NELL1: variants seen among roughly 807,000 people sequenced by gnomAD.
The protein encoded by NELL1 is protein kinase C-binding protein NELL1.
NELL1 carries 76 observed loss-of-function variants against 107.4 expected under a neutral mutation model. The observed-to-expected ratio is 0.71, with a 90% confidence interval of 0.59 to 0.86. The LOEUF (loss-of-function observed/expected upper bound fraction) is 0.86. NELL1 is among the 40% of genes least tolerant of loss of function. The probability of loss-of-function intolerance (pLI) is 0.00; values close to 1 mark genes in which losing one functional copy is unlikely to be tolerated. For synonymous variants in NELL1, 353 were observed against 341.2 expected (o/e 1.03, Z -0.38); for missense variants, 1,024 against 1,005.5 (o/e 1.02, Z -0.25).
chr11:21,089,904 G>A (rs541137624), intron 12 of NELL1, among the ~76,000 whole-genome samples: 2 of 152,236 alleles, frequency 1.3e-5, no homozygotes, highest in Admixed American at 6.5e-5. Context: ...GAACAAGTGC[G>A]GGCAAACGAG....
At chr11:21,039,763 C>T (rs1305775530) in intron 12 of NELL1, among the ~76,000 whole-genome samples, 1 of 152,078 alleles carries the variant, frequency 6.6e-6, no homozygotes, top group East Asian at 1.9e-4. Flanking sequence ...AAATTCTTAT[C>T]TAAAATGAAT....
intron 13 of NELL1, among the ~76,000 whole-genome samples, chr11:21,171,154 C>T (rs1370233256): frequency 6.6e-6 from 1 of 151,814 alleles, no homozygotes; most frequent in African/African-American, 2.4e-5. Context: ...TTCTCATCTG[C>T]TGACATAATG....
At chr11:21,082,749 A>C (rs1037088921) in intron 12 of NELL1, among the ~76,000 whole-genome samples, 2 of 152,100 alleles carry the variant, frequency 1.3e-5, no homozygotes, top group Non-Finnish European at 2.9e-5. Flanking sequence ...TTTCCTACAC[A>C]AGCTCTATAT....
intron 17 of NELL1, among the ~76,000 whole-genome samples, chr11:21,561,061 T>C (rs912833020): frequency 1.3e-5 from 2 of 152,156 alleles, no homozygotes; most frequent in South Asian, 4.1e-4. Flanking sequence ...ATTTCTTCTT[T>C]TATTGATCTT....
intron 14 of NELL1, among the ~76,000 whole-genome samples, chr11:21,257,335 A>T (rs983180249): frequency 6.6e-6 from 1 of 152,016 alleles, no homozygotes; most frequent in African/African-American, 2.4e-5. Flanking sequence ...AGGATTTGGA[A>T]ATTTCAAGGA....
intron 12 of NELL1, among the ~76,000 whole-genome samples, chr11:20,979,469 G>A (rs934504634): frequency 3.3e-5 from 5 of 152,082 alleles, no homozygotes; most frequent in Non-Finnish European, 5.9e-5. Context: ...GTTTTATGAT[G>A]TTCCCAAAAC....
At chr11:20,827,539 A>G (rs951869639) in intron 3 of NELL1, among the ~76,000 whole-genome samples, 8 of 151,208 alleles carry the variant, frequency 5.3e-5, no homozygotes, top group African/African-American at 1.9e-4. Context: ...TCATTCTTCC[A>G]TCTTCAACAT....
rs73454948 is a variant in NELL1, at chr11:21,333,116, G to T, written c.1550-37737G>T. Among the ~76,000 whole-genome samples, 864 of 152,080 alleles carry T rather than the reference G, an allele frequency of 5.7e-3. 7 individuals carry two copies. Among genetic ancestry groups the T allele is most frequent in the African/African-American group, 0.019 (789 of 41,536 alleles). ...TCTTGGGTGATATAAGATTAAGACA[G>T]ATAATACTGTGTGCTTCCTTTTAAA... is the stretch of plus-strand genomic sequence containing the variant. On this transcript the variant is annotated intron_variant, in intron 14 of 19. Coordinates refer to ENST00000357134, the MANE Select transcript of NELL1 (RefSeq NM_006157.5).
chr11:20,968,356 A>G (rs200643289), intron 12 of NELL1, among the ~76,000 whole-genome samples: 9 of 151,394 alleles, frequency 5.9e-5, no homozygotes, highest in African/African-American at 1.7e-4. Context: ...TTAAAGAAAG[A>G]AAGGAAGGAA....
chr11:20,685,331 T>G (rs1013609365), intron 2 of NELL1, among the ~76,000 whole-genome samples: 5 of 152,070 alleles, frequency 3.3e-5, no homozygotes, highest in African/African-American at 1.2e-4. Flanking sequence ...TTAATTAAAA[T>G]TATGCAAAAT....
chr11:21,099,234 AACAC>A (rs1554967542), intron 12 of NELL1, among the ~76,000 whole-genome samples: 1 of 64,004 alleles, frequency 1.6e-5, no homozygotes, highest in Non-Finnish European at 3.2e-5. Flanking sequence ...CACACACACA[AACAC>A]ACACACACAC....
intron 17 of NELL1, among the ~76,000 whole-genome samples, chr11:21,565,321 T>C (rs1272164474): frequency 6.6e-6 from 1 of 151,890 alleles, no homozygotes; most frequent in East Asian, 1.9e-4. Flanking sequence ...CTTTCCCCTG[T>C]GGTAGTGTTC....
intron 16 of NELL1, among the ~76,000 whole-genome samples, chr11:21,544,497 C>T (rs994934293): frequency 2.2e-4 from 34 of 151,740 alleles, no homozygotes; most frequent in African/African-American, 8.0e-4. Flanking sequence ...GGGGCTGATT[C>T]GACCTGAAGG....
chr11:20,891,849 A>G (rs2134116552), intron 5 of NELL1, among the ~76,000 whole-genome samples: 1 of 152,352 alleles, frequency 6.6e-6, no homozygotes, highest in African/African-American at 2.4e-5. Flanking sequence ...ATACAGGAGC[A>G]CCCAGATTCA....
intron 14 of NELL1, among the ~76,000 whole-genome samples, chr11:21,346,912 T>C (rs557290788): frequency 6.6e-6 from 1 of 152,292 alleles, no homozygotes; most frequent in African/African-American, 2.4e-5. Context: ...TAGCCTCTTA[T>C]TATAACGTGG....
chr11:20,923,173 C>T (rs575884801), intron 7 of NELL1, among the ~76,000 whole-genome samples: 43 of 151,992 alleles, frequency 2.8e-4, no homozygotes, highest in Admixed American at 4.6e-4. Context: ...GAAGAAGCTC[C>T]GTGTATAAGC....
At chr11:21,442,665 G>A (rs982934681) in intron 15 of NELL1, among the ~76,000 whole-genome samples, 4 of 152,152 alleles carry the variant, frequency 2.6e-5, no homozygotes, top group African/African-American at 9.7e-5. Context: ...GCTAGGTTCT[G>A]TAGATGCAGC....
chr11:21,328,236 G>A (rs1850190050), intron 14 of NELL1, among the ~76,000 whole-genome samples: 3 of 152,114 alleles, frequency 2.0e-5, no homozygotes, highest in Admixed American at 2.0e-4. Context: ...CTTGGGACAG[G>A]TTGTCCTATG....
At chr11:20,923,306 G>A (rs1018943184) in intron 7 of NELL1, among the ~76,000 whole-genome samples, 1 of 152,204 alleles carries the variant, frequency 6.6e-6, no homozygotes, top group African/African-American at 2.4e-5. Flanking sequence ...GCTGGCAAGT[G>A]ACTGTGCCCT....
Sources: allele counts gnomAD v4.1 joint callset (sites outside exome capture counted in the v4.1 genomes callset), GRCh38; gene constraint gnomAD v4.1.1; transcripts MANE v1.5; gene names NCBI Gene and HGNC (gene_info 2026-07-23, HGNC 2026-07-21).